The following PLA2G15 variants were observed in gnomAD, a reference collection of about 807,000 sequenced individuals.
PLA2G15 encodes lysosomal phospholipase A and acyltransferase.
Under a neutral mutation model 40.9 loss-of-function variants are expected in PLA2G15, and 20 were observed. That is an observed-to-expected ratio of 0.49 (90% CI 0.34 to 0.71). The LOEUF is 0.71. PLA2G15 is among the 30% of genes least tolerant of loss of function. The pLI is 0.01. For synonymous variants in PLA2G15, 223 were observed against 228.2 expected, an observed-to-expected ratio of 0.98 and a Z score of 0.21; for missense variants, 471 against 541.9, an observed-to-expected ratio of 0.87 and a Z score of 1.30.
intron 5 of PLA2G15, chr16:68,256,475 C>G (rs1440770677): frequency 6.5e-6 from 1 of 152,704 alleles, no homozygotes; most frequent in Non-Finnish European, 1.5e-5. Context: ...TTGCTTTGGT[C>G]TCCACAATGA....
Position 68,260,110 on chromosome 16 carries a change from C to T in PLA2G15, c.*453C>T, listed in dbSNP as rs1326552945. On this transcript the variant is annotated 3_prime_UTR_variant, in exon 6 of 6. Coordinates refer to ENST00000219345, the MANE Select transcript of PLA2G15 (RefSeq NM_012320.4). ...ATCGGCTCCTGGCCCCTCGGGTGAC[C>T]CTTCCCACACACCAGCCACAGATAG... The T allele has an allele frequency of 6.0e-6, 1 of 167,408 alleles. No individual in the cohort carries two copies. The highest frequency in any genetic ancestry group is 2.4e-5 in the African/African-American group (1 of 41,776). The allele number at this position is 167,408 out of a possible 1,614,324, so 10.4% of individuals were successfully genotyped here. A position where few individuals can be genotyped will look rare whatever the true frequency, so the allele number is the denominator to read the frequency against.
intron 1 of PLA2G15, among the ~76,000 whole-genome samples, chr16:68,247,563 C>A (rs1486799233): frequency 5.9e-5 from 9 of 152,330 alleles, no homozygotes; most frequent in Non-Finnish European, 1.3e-4. Context: ...TACCATTTCC[C>A]CTTTGGTAGA....
chr16:68,258,650 G>A (rs923942059), intron 5 of PLA2G15, among the ~76,000 whole-genome samples: 6 of 152,260 alleles, frequency 3.9e-5, no homozygotes, highest in East Asian at 1.9e-4. Flanking sequence ...AGGCGTGGTG[G>A]GACGTGCTTG....
chr16:68,255,221 C>T lies in PLA2G15; in HGVS notation c.404-61C>T. 2 of 1,238,798 alleles carry T rather than the reference C, an allele frequency of 1.6e-6. No homozygotes were observed. Among genetic ancestry groups the T allele is most frequent in the Non-Finnish European group, 2.4e-6 (2 of 842,554 alleles). The allele number at this position is 1,238,798 out of a possible 1,614,324, so 76.7% of individuals were successfully genotyped here. A position where few individuals can be genotyped will look rare whatever the true frequency, so the allele number is the denominator to read the frequency against. On this transcript the variant is annotated intron_variant, in intron 3 of 5. Transcript: ENST00000219345. The surrounding 1 kb of genome is among the most constrained non-coding windows in gnomAD (Gnocchi z 5.9). Reference sequence around the variant, plus strand: ...TAGCTGTCACAGTCTCCATGCTGGGCATAGTGTAGGTGGCCGGCACTAGCT... The same window carrying T: ...TAGCTGTCACAGTCTCCATGCTGGGTATAGTGTAGGTGGCCGGCACTAGCT...
chr16:68,255,072 G>A lies in PLA2G15; in HGVS notation c.403+35G>A. The A allele has an allele frequency of 7.1e-7, 1 of 1,405,060 alleles. No individual in the cohort carries two copies. Among genetic ancestry groups the A allele is most frequent in the East Asian group, 2.3e-5 (1 of 43,854 alleles). The allele number at this position is 1,405,060 out of a possible 1,614,324, so 87.0% of individuals were successfully genotyped here. A position where few individuals can be genotyped will look rare whatever the true frequency, so the allele number is the denominator to read the frequency against. On this transcript the variant is annotated intron_variant, in intron 3 of 5. Transcript: ENST00000219345. This position sits in a 1 kb window ranked among gnomAD's most constrained non-coding sequence, Gnocchi z 5.9. ...CCTTACTCAAGGCCTCCGGGAGCTG[G>A]GATGGGGTTTCTGCCGGACTGGAGC... is the stretch of plus-strand genomic sequence containing the variant.
rs374714778 is a variant in PLA2G15 at position 68,245,426 on chromosome 16, C to A, written c.-1C>A. On this transcript the variant is annotated 5_prime_UTR_variant, in exon 1 of 6. Coordinates refer to ENST00000219345, the MANE Select transcript of PLA2G15 (RefSeq NM_012320.4). ...CGGACCTGCGGCGACCGTCGTACACCATGGGCCTCCACCTCCGCCCCTACC... is the reference window on the plus strand; with the variant it reads ...CGGACCTGCGGCGACCGTCGTACACAATGGGCCTCCACCTCCGCCCCTACC... The A allele has an allele frequency of 1.2e-6, 2 of 1,603,804 alleles. No individual in the cohort carries two copies. The highest frequency in any genetic ancestry group is 1.7e-6 in the Non-Finnish European group (2 of 1,179,706).
rs2042397854 is a variant in PLA2G15 at position 68,255,929 on chromosome 16, C to T, written c.666C>T (p.Ala222=). 2 of 1,612,800 alleles carry T rather than the reference C, an allele frequency of 1.2e-6. No homozygotes were observed. The highest frequency in any genetic ancestry group is 8.5e-7 in the Non-Finnish European group (1 of 1,179,934). ...CCTGGAAGGACAAGTATATCCGGGC[C>T]TTCGTGTCACTGGGTGCGCCCTGGG... ...PQAWKDKYIR[A]FVSLGAPWGG... is the part of the protein sequence containing the mutation. The change falls in exon 5 of 6, where the codon GCC becomes GCT. Residue 222 remains alanine, a synonymous_variant. Transcript: ENST00000219345. This position sits in a 1 kb window ranked among gnomAD's most constrained non-coding sequence, Gnocchi z 5.9.
chr16:68,255,854 C>T lies in PLA2G15; in HGVS notation c.591C>T (p.His197=), dbSNP rs1172015977. 5 of 1,613,302 alleles carry T rather than the reference C, an allele frequency of 3.1e-6. No homozygotes were observed. In the East Asian group the frequency reaches 1.1e-4, roughly 36 times the overall value. ...GGGGCCCCGTGGTGCTGGTTGCCCA[C>T]AGTATGGGCAACATGTACACGCTCT... ...LYGGPVVLVA[H]SMGNMYTLYF... Residue 197 remains histidine, a synonymous_variant, in exon 5 of 6, where the codon CAC becomes CAT. Transcript: ENST00000219345. This position sits in a 1 kb window ranked among gnomAD's most constrained non-coding sequence, Gnocchi z 5.9.
At position 68,249,322 on chromosome 16, in the gene PLA2G15, A is replaced by G. The variant is rs766363509; in HGVS notation, c.160A>G (p.Lys54Glu). 1.2e-6 allele frequency: 2 copies of G among 1,614,160 alleles called. No homozygotes were observed. Residue 54 changes from lysine to glutamate, a missense_variant, in exon 2 of 6, where the codon AAG (lysine) becomes GAG (glutamate). Physicochemically the swap from Lys to Glu is moderately conservative, Grantham distance 56. Transcript: ENST00000219345. ...TGATTTGGGTAACCAACTGGAAGCC[A>G]AGCTGGACAAGCCGACAGTGGTGCA... ...PGDLGNQLEA[K>E]LDKPTVVHYL...
chr16:68,254,512 G>C (rs570373643), intron 2 of PLA2G15: 1 of 159,022 alleles, frequency 6.3e-6, no homozygotes, highest in African/African-American at 2.4e-5. Context: ...GGCTGATTTT[G>C]TATCTTTAGT....
Position 68,255,612 on chromosome 16 carries a change from C to T in PLA2G15, c.503-154C>T. 3 of 674,448 alleles carry T rather than the reference C, an allele frequency of 4.4e-6. No individual in the cohort carries two copies. Among genetic ancestry groups the T allele is most frequent in the East Asian group, 2.7e-5 (1 of 36,922 alleles). The allele number at this position is 674,448 out of a possible 1,614,324, so 41.8% of individuals were successfully genotyped here. ...GCCCTGGGGAGAAATATAAGGCTTC[C>T]TCCCTTCATGGAAGGCGGGGGGACC... On this transcript the variant is annotated intron_variant, in intron 4 of 5. Coordinates refer to ENST00000219345, the MANE Select transcript of PLA2G15 (RefSeq NM_012320.4). The surrounding 1 kb of genome is among the most constrained non-coding windows in gnomAD (Gnocchi z 5.9).
At chr16:68,254,120 T>C (rs2042380063) in intron 2 of PLA2G15, among the ~76,000 whole-genome samples, 1 of 152,002 alleles carries the variant, frequency 6.6e-6, no homozygotes, top group African/African-American at 2.4e-5. Flanking sequence ...TGGGGTCCAG[T>C]GTGAAGTTCA....
chr16:68,256,468 C>G (rs1019480059), intron 5 of PLA2G15: 1 of 152,922 alleles, frequency 6.5e-6, no homozygotes, highest in African/African-American at 2.4e-5. Flanking sequence ...AATGGAGTTG[C>G]TTTGGTCTCC....
chr16:68,250,383 G>T (rs1321795671), intron 2 of PLA2G15: 1 of 238,828 alleles, frequency 4.2e-6, no homozygotes, highest in Non-Finnish European at 8.5e-6. Context: ...CCATTCTTCT[G>T]CCTCAGCCTC....
rs200461806 is a variant in PLA2G15 at position 68,253,386 on chromosome 16, G to GT, written c.285-1526dup. The GT allele has an allele frequency of 3.2e-3, 1,405 of 432,876 alleles. 23 individuals are homozygous for GT. Among genetic ancestry groups the GT allele is most frequent in the African/African-American group, 0.025 (1,243 of 49,418 alleles). The allele number at this position is 432,876 out of a possible 1,614,324, so 26.8% of individuals were successfully genotyped here. A position where few individuals can be genotyped will look rare whatever the true frequency, so the allele number is the denominator to read the frequency against. ...AGGGTTTGTTTTTGTTTGTTTGTTT[G>GT]TTTTTTTGAGACAGAGTTTCGCTCT... On this transcript the variant is annotated intron_variant, in intron 2 of 5. Coordinates refer to ENST00000219345, the MANE Select transcript of PLA2G15 (RefSeq NM_012320.4).
intron 2 of PLA2G15, among the ~76,000 whole-genome samples, chr16:68,250,911 T>C (rs1464724911): frequency 6.6e-6 from 1 of 152,084 alleles, no homozygotes; most frequent in Non-Finnish European, 1.5e-5. Flanking sequence ...TTGTGACATG[T>C]CCCTTTTGAC....
At chr16:68,247,144 C>A (rs1260923704) in intron 1 of PLA2G15, among the ~76,000 whole-genome samples, 1 of 152,096 alleles carries the variant, frequency 6.6e-6, no homozygotes, top group Non-Finnish European at 1.5e-5. Flanking sequence ...GGCTGCTGGC[C>A]TTAGCCCTGG....
At position 68,245,443 on chromosome 16, in the gene PLA2G15, G is replaced by A; in HGVS notation, c.17G>A (p.Arg6His). ...TCGTACACCATGGGCCTCCACCTCC[G>A]CCCCTACCGTGTGGGGCTGCTCCCG... MGLHL[R>H]PYRVGLLPDG... is the part of the protein sequence containing the mutation. Residue 6 changes from arginine to histidine, a missense_variant, in exon 1 of 6, where the codon CGC becomes CAC. Coordinates refer to ENST00000219345, the MANE Select transcript of PLA2G15 (RefSeq NM_012320.4). 1 of 1,605,180 alleles carries A rather than the reference G, an allele frequency of 6.2e-7. No homozygotes were observed. Among genetic ancestry groups the A allele is most frequent in the South Asian group, 1.1e-5 (1 of 91,058 alleles).
intron 2 of PLA2G15, among the ~76,000 whole-genome samples, chr16:68,253,222 AC>A (rs1229702388): frequency 5.3e-5 from 8 of 152,018 alleles, no homozygotes; most frequent in Non-Finnish European, 1.5e-5. Context: ...AGGAAGCGGG[AC>A]CCAATTATAC....
Sources: gnomAD v4.1 joint callset for allele counts (sites outside exome capture counted in the v4.1 genomes callset) on GRCh38, gnomAD v4.1.1 for gene constraint, Gnocchi (gnomAD v3.1) non-coding constraint, MANE v1.5 for transcripts, NCBI Gene and HGNC (gene_info 2026-07-23, HGNC 2026-07-21) for gene names.